Variants in MAGEB17 observed in about 807,000 individuals in gnomAD.
MAGEB17 encodes the protein MAGE family member B17.
For synonymous variants in MAGEB17, 110 were observed against 112.4 expected, an observed-to-expected ratio of 0.98 and a Z score of 0.13; for missense variants, 251 against 281.4, an observed-to-expected ratio of 0.89 and a Z score of 0.77.
At position 16,170,969 on chromosome X, in the gene MAGEB17, T is replaced by C. The variant is rs1199413081; in HGVS notation, c.587T>C (p.Phe196Ser). ...NQGSLSDGGG[F>S]PLSGLLMVLL... ...GGAAGCTTGAGCGATGGCGGGGGCT[T>C]TCCCCTGAGCGGGCTCCTGATGGTT... The change falls in exon 2 of 2, where the codon TTT (phenylalanine) becomes TCT (serine). Residue 196 changes from phenylalanine (F) to serine (S), a missense_variant. Transcript: ENST00000400004. 1 of 1,165,891 alleles carries C rather than the reference T, an allele frequency of 8.6e-7. No individual in the cohort carries two copies. Among genetic ancestry groups the C allele is most frequent in the Non-Finnish European group, 1.1e-6 (1 of 872,862 alleles).
intron 1 of MAGEB17, among the ~76,000 whole-genome samples, chrX:16,170,040 C>T (rs1256294834): frequency 8.9e-6 from 1 of 111,835 alleles, no homozygotes; most frequent in Non-Finnish European, 1.9e-5. Flanking sequence ...CCTCAGGATC[C>T]CTCCCTATGT....
chrX:16,169,022 C>T (rs1428343949), intron 1 of MAGEB17: 3 of 111,953 alleles, frequency 2.7e-5, no homozygotes, highest in Non-Finnish European at 5.6e-5. Flanking sequence ...GAGCCATTAG[C>T]ATTTGGTGAC....
Position 16,170,782 on chromosome X carries a change from G to A in MAGEB17, c.400G>A (p.Ala134Thr). 1 of 1,167,515 alleles carries A rather than the reference G, an allele frequency of 8.6e-7. No individual in the cohort carries two copies. Among genetic ancestry groups the A allele is most frequent in the South Asian group, 1.9e-5 (1 of 52,754 alleles). Residue 134 changes from alanine (A) to threonine (T), a missense_variant, in exon 2 of 2, where the codon GCC becomes ACC. By Grantham distance (58) the Ala-to-Thr change is moderately conservative (BLOSUM62 0). Transcript: ENST00000400004. ...AAGGAAAGAGCCCATTACGAGGGAAGCCATGCTGAAGGTTATCAACAGAAA... is the reference window on the plus strand; with the variant it reads ...AAGGAAAGAGCCCATTACGAGGGAAACCATGCTGAAGGTTATCAACAGAAA... ...YIRKEPITREAMLKVINRKYK... is the reference protein window; with the variant it reads ...YIRKEPITRETMLKVINRKYK...
chrX:16,168,909 G>A (rs1922999072), intron 1 of MAGEB17: 1 of 87,472 alleles, frequency 1.1e-5, no homozygotes, highest in Non-Finnish European at 2.4e-5. Context: ...GGGAGTGAAG[G>A]TAAAAAAAAC....
chrX:16,168,607 T>C (rs1414212986), intron 1 of MAGEB17: 2 of 112,454 alleles, frequency 1.8e-5, no homozygotes, highest in African/African-American at 3.2e-5. Context: ...GGCAGAGCAG[T>C]GGGGTCCCCT....
intron 1 of MAGEB17, among the ~76,000 whole-genome samples, chrX:16,168,127 C>T (rs1376335488): frequency 8.9e-6 from 1 of 111,764 alleles, no homozygotes; most frequent in African/African-American, 3.2e-5. Flanking sequence ...ATTACCCGAG[C>T]CCAGCAGTTC....
rs1569131807 is a variant in MAGEB17, at chrX:16,170,809, T to A, written c.427T>A (p.Tyr143Asn). Residue 143 changes from tyrosine to asparagine, a missense_variant, in exon 2 of 2, where the codon TAC (tyrosine) becomes AAC (asparagine). By Grantham distance (143) the Tyr-to-Asn change is moderately radical. Transcript: ENST00000400004. The part of the protein sequence containing the change: ...EAMLKVINRK[Y>N]KQHFPEILRR... ...CATGCTGAAGGTTATCAACAGAAAG[T>A]ACAAGCAGCACTTCCCTGAGATCCT... 9.4e-6 allele frequency: 11 copies of A among 1,165,764 alleles called. No individual in the cohort carries two copies. The highest frequency in any genetic ancestry group is 1.1e-5 in the Non-Finnish European group (10 of 872,841).
Position 16,171,376 on chromosome X carries a change from A to G in MAGEB17, c.994A>G (p.Arg332Gly). 9.0e-7 allele frequency: 1 copy of G among 1,112,734 alleles called. No individual in the cohort carries two copies. The highest frequency in any genetic ancestry group is 1.8e-5 in the African/African-American group (1 of 54,278). 91.7% of individuals were successfully genotyped at this position (1,112,734 alleles called of 1,213,427 possible). The change falls in exon 2 of 2, where the codon AGG becomes GGG. Residue 332 changes from arginine to glycine, a missense_variant. By Grantham distance (125) the Arg-to-Gly change is moderately radical. Coordinates refer to ENST00000400004, the MANE Select transcript of MAGEB17 (RefSeq NM_001277307.2). ...ARDSARARAS[R>G]SFQP ...GGATAGCGCCAGGGCCAGGGCTAGC[A>G]GGTCCTTTCAGCCCTAGTGAAGTCT...
chrX:16,169,193 A>T (rs1454223846), intron 1 of MAGEB17, among the ~76,000 whole-genome samples: 1 of 111,529 alleles, frequency 9.0e-6, no homozygotes, highest in Admixed American at 9.4e-5. Flanking sequence ...TCCCAGGGAG[A>T]AGTAGGCCAC....
rs761818402 is a variant in MAGEB17, at chrX:16,170,071, C to G, written c.-49-263C>G. Reference sequence around the variant, plus strand: ...TATGTCAGAGGTTTGAGGCCCCAGACAGGGATGTCAAGCCCAGATGGCCTC... The same window carrying G: ...TATGTCAGAGGTTTGAGGCCCCAGAGAGGGATGTCAAGCCCAGATGGCCTC... On this transcript the variant is annotated intron_variant, in intron 1 of 1. Coordinates refer to ENST00000400004, the MANE Select transcript of MAGEB17 (RefSeq NM_001277307.2). 1.2e-4 allele frequency among the ~76,000 whole-genome samples: 13 copies of G among 112,079 alleles called. No homozygotes were observed. The East Asian group carries it at 2.8e-3, about 24-fold the overall frequency.
chrX:16,170,274 C>A, intron 1 of MAGEB17, 60 bp from the exon 2 acceptor site: 25 of 1,087,775 alleles, frequency 2.3e-5, no homozygotes, highest in Non-Finnish European at 3.0e-5. Context: ...TGCATGGAGG[C>A]CTCCTTAAGG....
In MAGEB17 at chrX:16,170,544, C is replaced by T; in HGVS notation, c.162C>T (p.Pro54=). The T allele has an allele frequency of 8.6e-7, 1 of 1,167,339 alleles. No homozygotes were observed. ...GCCAGAGTCCTCCCCAGAGCTTCCC[C>T]AATGCAGGCATTCCTCAGGAGTCCC... ...PACQSPPQSF[P]NAGIPQESQR... Residue 54 remains proline, a synonymous_variant, in exon 2 of 2, where the codon CCC becomes CCT. Coordinates refer to ENST00000400004, the MANE Select transcript of MAGEB17 (RefSeq NM_001277307.2).
chrX:16,167,942 G>A (rs1403828021), intron 1 of MAGEB17, among the ~76,000 whole-genome samples, 159 bp downstream of exon 1: 1 of 111,726 alleles, frequency 9.0e-6, no homozygotes, highest in African/African-American at 3.3e-5. Flanking sequence ...AGGGAGGGGA[G>A]GGTTTGGTGT....
chrX:16,170,955 C>T lies in MAGEB17; in HGVS notation c.573C>T (p.Ser191=), dbSNP rs757591187. ...KLDFPNQGSL[S]DGGGFPLSGL... Reference sequence around the variant, plus strand: ...ACTTTCCCAATCAAGGAAGCTTGAGCGATGGCGGGGGCTTTCCCCTGAGCG... The same window carrying T: ...ACTTTCCCAATCAAGGAAGCTTGAGTGATGGCGGGGGCTTTCCCCTGAGCG... The change falls in exon 2 of 2, where the codon AGC becomes AGT. Residue 191 remains serine, a synonymous_variant. Coordinates refer to ENST00000400004, the MANE Select transcript of MAGEB17 (RefSeq NM_001277307.2). The T allele has an allele frequency of 4.3e-6, 5 of 1,166,015 alleles. No homozygotes were observed. Among genetic ancestry groups the T allele is most frequent in the South Asian group, 3.8e-5 (2 of 52,580 alleles).
Position 16,170,554 on chromosome X carries a change from A to T in MAGEB17, c.172A>T (p.Ile58Phe). 8.6e-7 allele frequency: 1 copy of T among 1,166,769 alleles called. No individual in the cohort carries two copies. The highest frequency in any genetic ancestry group is 1.9e-5 in the South Asian group (1 of 52,699). ...TCCCCAGAGCTTCCCCAATGCAGGC[A>T]TTCCTCAGGAGTCCCAGAGAGCCAG... ...SPPQSFPNAG[I>F]PQESQRASYP... Residue 58 changes from isoleucine to phenylalanine, a missense_variant, in exon 2 of 2, where the codon ATT (isoleucine) becomes TTT (phenylalanine). Physicochemically the swap from Ile to Phe is conservative, Grantham distance 21. Transcript: ENST00000400004.
Position 16,170,739 on chromosome X carries a change from C to T in MAGEB17, c.357C>T (p.Phe119=). 2 of 1,167,263 alleles carry T rather than the reference C, an allele frequency of 1.7e-6. No homozygotes were observed. Among genetic ancestry groups the T allele is most frequent in the Non-Finnish European group, 2.3e-6 (2 of 873,055 alleles). The change falls in exon 2 of 2, where the codon TTC becomes TTT. Residue 119 remains phenylalanine (F), a synonymous_variant. Transcript: ENST00000400004. ...CGAAGACGGGCGAATTGGTGCAGTT[C>T]CTCCTCAACAAGTATATAAGGAAAG... ...LNTKTGELVQ[F]LLNKYIRKEP...
intron 1 of MAGEB17, among the ~76,000 whole-genome samples, chrX:16,169,924 G>A (rs886754110): frequency 7.2e-5 from 8 of 111,210 alleles, no homozygotes; most frequent in Admixed American, 4.7e-4. Flanking sequence ...CCCTTGGGGT[G>A]GGGGTGAGGT....
In MAGEB17 at chrX:16,170,968, T is replaced by A. The variant is rs1327505085; in HGVS notation, c.586T>A (p.Phe196Ile). The change falls in exon 2 of 2, where the codon TTT (phenylalanine) becomes ATT (isoleucine). Residue 196 changes from phenylalanine (F) to isoleucine (I), a missense_variant. Transcript: ENST00000400004. ...NQGSLSDGGGFPLSGLLMVLL... is the reference protein window; with the variant it reads ...NQGSLSDGGGIPLSGLLMVLL... ...AGGAAGCTTGAGCGATGGCGGGGGC[T>A]TTCCCCTGAGCGGGCTCCTGATGGT... 8.6e-7 allele frequency: 1 copy of A among 1,167,307 alleles called. No homozygotes were observed. Among genetic ancestry groups the A allele is most frequent in the East Asian group, 3.2e-5 (1 of 30,774 alleles).
chrX:16,168,874 G>T (rs192332800), intron 1 of MAGEB17: 1 of 108,974 alleles, frequency 9.2e-6, no homozygotes, highest in African/African-American at 3.4e-5. Context: ...CCAGGTCAGC[G>T]GAGAAAGGAG....
Sources: allele counts gnomAD v4.1 joint callset (sites outside exome capture counted in the v4.1 genomes callset), GRCh38; gene constraint gnomAD v4.1.1; transcripts MANE v1.5; gene names NCBI Gene and HGNC (gene_info 2026-07-23, HGNC 2026-07-21).